The following TEX14 variants were observed in gnomAD, a reference collection of about 807,000 sequenced individuals.
TEX14 encodes inactive serine/threonine-protein kinase TEX14.
Under a neutral mutation model 178.6 loss-of-function variants are expected in TEX14, and 168 were observed. The ratio of observed to expected loss-of-function variants is 0.94; its 90% CI spans 0.83 to 1.07. The LOEUF (loss-of-function observed/expected upper bound fraction) is 1.07, where lower values mean the gene tolerates loss of function less well. Ranked by LOEUF, TEX14 falls within the 50% of genes least tolerant of loss-of-function variation. The probability of loss-of-function intolerance (pLI) is 0.00; values close to 1 mark genes in which losing one functional copy is unlikely to be tolerated. For synonymous variants in TEX14, 626 were observed against 634.1 expected, an observed-to-expected ratio of 0.99 and a Z score of 0.19; for missense variants, 1,730 against 1,753.6, an observed-to-expected ratio of 0.99 and a Z score of 0.24.
Position 58,585,955 on chromosome 17 carries a change from G to T in TEX14, c.2916C>A (p.Pro972=). 1 of 1,613,962 alleles carries T rather than the reference G, an allele frequency of 6.2e-7. No homozygotes were observed. ...AATCCGTGTTTTCTGGGCTCCTAAT[G>T]GGGGGCTGCAGCAGGGCGTCGGGCT... The part of the protein sequence containing the change: ...ENEPDALLQP[P]IRSPENTDWQ... Residue 972 remains proline (P), a synonymous_variant, in exon 18 of 32, where the codon CCC becomes CCA. Transcript: ENST00000349033.
At chr17:58,628,631 G>A (rs1233237481) in intron 3 of TEX14, among the ~76,000 whole-genome samples, 1 of 151,830 alleles carries the variant, frequency 6.6e-6, no homozygotes, top group African/African-American at 2.4e-5. Flanking sequence ...AGAATCACTT[G>A]AACCTCGGAG....
chr17:58,577,594 GC>G (rs986898007), intron 20 of TEX14, 138 bp from the exon 21 acceptor site: 3 of 341,336 alleles, frequency 8.8e-6, no homozygotes, highest in African/African-American at 2.2e-5. Flanking sequence ...ACAAAGTGCT[GC>G]CCTAATTGGG....
At chr17:58,674,091 T>C (rs1225582246) in intron 1 of TEX14, among the ~76,000 whole-genome samples, 3 of 152,014 alleles carry the variant, frequency 2.0e-5, no homozygotes, top group East Asian at 1.9e-4. Context: ...CTGGCCAACA[T>C]GGTGAAACCC....
At chr17:58,586,263 C>CAG (rs924035865) in intron 17 of TEX14, among the ~76,000 whole-genome samples, 181 bp from the exon 18 acceptor site, 1 of 152,138 alleles carries the variant, frequency 6.6e-6, no homozygotes, top group African/African-American at 2.4e-5. Context: ...GAATTGATGA[C>CAG]AGAGAGAGAG....
rs117166327 is a variant in TEX14, at chr17:58,637,506, G to A, written c.137-6952C>T. On this transcript the variant is annotated intron_variant, in intron 2 of 31. Coordinates refer to ENST00000349033, the MANE Select transcript of TEX14 (RefSeq NM_031272.5). Reference sequence around the variant, plus strand: ...CTGAAGGTTAAATTGATCACCAATGGCTAGTGATTTAATCTACCATACCTA... The same window carrying A: ...CTGAAGGTTAAATTGATCACCAATGACTAGTGATTTAATCTACCATACCTA... 2.6e-3 allele frequency among the ~76,000 whole-genome samples: 402 copies of A among 152,282 alleles called. 13 individuals are homozygous for A. The East Asian group carries it at 0.072, about 27-fold the overall frequency.
intron 9 of TEX14, among the ~76,000 whole-genome samples, chr17:58,612,287 C>A (rs2045763635): frequency 1.3e-5 from 2 of 152,186 alleles, no homozygotes; most frequent in South Asian, 4.1e-4. Context: ...TCTTAGATGT[C>A]TGATCAAGAA....
chr17:58,643,946 G>A (rs987773954), intron 2 of TEX14, among the ~76,000 whole-genome samples: 25 of 71,960 alleles, frequency 3.5e-4, no homozygotes, highest in African/African-American at 1.2e-3. Context: ...TTTCTCCCCC[G>A]CCCCCCCCAA....
chr17:58,604,368 G>A (rs1489449020), intron 11 of TEX14, among the ~76,000 whole-genome samples: 2 of 151,064 alleles, frequency 1.3e-5, no homozygotes. Flanking sequence ...CTACTCGGGA[G>A]GCTGAGGCAG....
At chr17:58,683,762 C>CAAAAAA (rs998966382) in intron 1 of TEX14, among the ~76,000 whole-genome samples, 1 of 75,700 alleles carries the variant, frequency 1.3e-5, no homozygotes. Context: ...GACTCCAGCT[C>CAAAAAA]AAAAAAAAAA....
At chr17:58,588,501 T>A (rs2045038305) in intron 15 of TEX14, among the ~76,000 whole-genome samples, 1 of 151,844 alleles carries the variant, frequency 6.6e-6, no homozygotes, top group Non-Finnish European at 1.5e-5. Context: ...CCCAAGCTGG[T>A]CTTGAACTCC....
chr17:58,641,478 T>C (rs942064963), intron 2 of TEX14, among the ~76,000 whole-genome samples: 12 of 120,986 alleles, frequency 9.9e-5, no homozygotes, highest in African/African-American at 3.5e-4. Context: ...TTTTCTTTCT[T>C]TCTCTTTTAT....
In TEX14 at chr17:58,571,941, G is replaced by C. The variant is rs141531297; in HGVS notation, c.3697C>G (p.Pro1233Ala). The change falls in exon 24 of 32, where the codon CCT (proline) becomes GCT (alanine). Residue 1233 changes from proline (P) to alanine (A), a missense_variant. By Grantham distance (27) the Pro-to-Ala change is conservative. Around this residue, in one of 2 missense-constraint regions of TEX14, gnomAD observed 941 missense variants for 1,072.4 expected, o/e 0.88. Transcript: ENST00000349033. ...DSLLTSSETPPSRLTGLKRLS... is the reference protein window; with the variant it reads ...DSLLTSSETPASRLTGLKRLS... ...CTTACAAGACCAGTCAGTCTTGAAG[G>C]GGGAGTTTCAGAGGAAGTAAGGAGA... 2.5e-6 allele frequency: 4 copies of C among 1,613,958 alleles called. No homozygotes were observed. Among genetic ancestry groups the C allele is most frequent in the African/African-American group, 1.3e-5 (1 of 74,910 alleles).
chr17:58,617,640 A>G (rs1893291105), intron 5 of TEX14, 21 bp from the exon 6 acceptor site: 1 of 1,571,852 alleles, frequency 6.4e-7, no homozygotes, highest in Non-Finnish European at 8.7e-7. Context: ...TTAAAACAGG[A>G]AAAAAACCTC....
chr17:58,611,239 C>G lies in TEX14; in HGVS notation c.1106G>C (p.Arg369Pro). The part of the protein sequence containing the change: ...RYLHFQGFIH[R>P]SLSSYAVHII... ...ATGGACAGCATAGGAGCTGAGGGAG[C>G]GGTGGATAAACCCCTGGAAATGCAG... The change falls in exon 10 of 32, where the codon CGC (arginine) becomes CCC (proline). Residue 369 changes from arginine (R) to proline (P), a missense_variant. By Grantham distance (103) the Arg-to-Pro change is moderately radical. Around this residue, in one of 2 missense-constraint regions of TEX14, gnomAD observed 789 missense variants for 681.2 expected, o/e 1.16. Coordinates refer to ENST00000349033, the MANE Select transcript of TEX14 (RefSeq NM_031272.5). The G allele has an allele frequency of 6.2e-7, 1 of 1,613,476 alleles. No homozygotes were observed. The highest frequency in any genetic ancestry group is 8.5e-7 in the Non-Finnish European group (1 of 1,179,532).
chr17:58,613,581 G>C, intron 8 of TEX14, 37 bp from the exon 9 acceptor site: 1 of 1,609,072 alleles, frequency 6.2e-7, no homozygotes, highest in Non-Finnish European at 8.5e-7. Context: ...AGGCAGGTGA[G>C]AGGAGGATAT....
At chr17:58,632,163 G>A (rs2144585404) in intron 2 of TEX14, among the ~76,000 whole-genome samples, 1 of 152,272 alleles carries the variant, frequency 6.6e-6, no homozygotes, top group East Asian at 1.9e-4. Flanking sequence ...GAAACTGCCC[G>A]GTTTGGACTG....
intron 2 of TEX14, chr17:58,631,740 C>T (rs1034593813): frequency 2.1e-5 from 3 of 144,166 alleles, no homozygotes; most frequent in South Asian, 4.4e-4. Context: ...CGTGAGAGAA[C>T]ACAAATATCT....
intron 2 of TEX14, among the ~76,000 whole-genome samples, chr17:58,637,331 T>C (rs971824460): frequency 4.6e-5 from 7 of 152,246 alleles, no homozygotes; most frequent in Non-Finnish European, 7.3e-5. Flanking sequence ...GAATGATAAG[T>C]ATCTTTTGTA....
intron 2 of TEX14, among the ~76,000 whole-genome samples, chr17:58,638,854 CTTTTTTTTT>C (rs1210311633): frequency 1.3e-5 from 1 of 75,094 alleles, no homozygotes; most frequent in Non-Finnish European, 2.4e-5. Flanking sequence ...GACTATTATT[CTTTTTTTTT>C]TTTTTTTTTT....
Sources: gnomAD v4.1 joint callset for allele counts (sites outside exome capture counted in the v4.1 genomes callset) on GRCh38, gnomAD v4.1.1 for gene constraint, gnomAD v4.1.1 regional missense constraint, MANE v1.5 for transcripts, NCBI Gene and HGNC (gene_info 2026-07-23, HGNC 2026-07-21) for gene names.